STK33: variants seen among roughly 807,000 people sequenced by gnomAD.
STK33 encodes serine/threonine-protein kinase 33.
Under a neutral mutation model 58.0 loss-of-function variants are expected in STK33, and 52 were observed. The observed-to-expected ratio is 0.90, with a 90% CI of 0.72 to 1.13. The LOEUF (loss-of-function observed/expected upper bound fraction) is 1.13. Ranked by LOEUF, STK33 falls within the 50% of genes most tolerant of loss-of-function variation. The pLI is 0.00. For missense variants in STK33, 630 were observed against 604.2 expected (o/e 1.04, Z -0.45); for synonymous variants, 215 against 200.1 (o/e 1.07, Z -0.63).
chr11:8,448,121 A>G (rs977083850), intron 11 of STK33, among the ~76,000 whole-genome samples: 10 of 152,236 alleles, frequency 6.6e-5, no homozygotes, highest in African/African-American at 2.2e-4. Context: ...CCACTGCTCA[A>G]TGAAATAAAA....
At chr11:8,441,636 C>G (rs1020430383) in intron 11 of STK33, among the ~76,000 whole-genome samples, 1 of 152,018 alleles carries the variant, frequency 6.6e-6, no homozygotes, top group South Asian at 2.1e-4. Flanking sequence ...GGATTAGTGG[C>G]GTGAGACACC....
intron 12 of STK33, among the ~76,000 whole-genome samples, chr11:8,436,918 G>A (rs1284446925): frequency 6.6e-6 from 1 of 152,116 alleles, no homozygotes; most frequent in Non-Finnish European, 1.5e-5. Context: ...GGCTGGCCTC[G>A]AACTTCTGAC....
At chr11:8,359,057 T>C in the STK33 span, among the ~76,000 whole-genome samples, 5 of 152,044 alleles carry the variant, frequency 3.3e-5, no homozygotes, top group African/African-American at 7.2e-5. Context: ...TAAACCCAGA[T>C]TGAGGGACAG....
intron 1 of STK33, among the ~76,000 whole-genome samples, chr11:8,564,403 G>A (rs1957315030): frequency 6.6e-6 from 1 of 152,220 alleles, no homozygotes; most frequent in Non-Finnish European, 1.5e-5. Flanking sequence ...CTGCTCTGCT[G>A]AGAAGAGTTT....
intron 1 of STK33, among the ~76,000 whole-genome samples, chr11:8,549,694 C>T (rs1956176416): frequency 6.6e-6 from 1 of 152,100 alleles, no homozygotes; most frequent in African/African-American, 2.4e-5. Context: ...CCTATTTCTT[C>T]ATGGTTCAAT....
intron 9 of STK33, 66 bp downstream of exon 9, chr11:8,457,275 A>G (rs1180933705): frequency 2.9e-6 from 4 of 1,377,640 alleles, no homozygotes; most frequent in South Asian, 4.2e-5. Context: ...CTGGAATACA[A>G]TTACCCTTAA....
chr11:8,367,391 T>C, the STK33 span, among the ~76,000 whole-genome samples: 2 of 152,224 alleles, frequency 1.3e-5, no homozygotes, highest in Non-Finnish European at 2.9e-5. Flanking sequence ...GTTCACATCA[T>C]TGTACATTCA....
At chr11:8,394,113 G>C (rs1027599853) in intron 15 of STK33, among the ~76,000 whole-genome samples, 1 of 151,932 alleles carries the variant, frequency 6.6e-6, no homozygotes, top group East Asian at 1.9e-4. Context: ...CAAACTTCTG[G>C]GTTATTTCTG....
chr11:8,518,855 C>A (rs1274359024), intron 1 of STK33, among the ~76,000 whole-genome samples: 2 of 152,152 alleles, frequency 1.3e-5, no homozygotes, highest in African/African-American at 4.8e-5. Flanking sequence ...TCCTTAGAGA[C>A]CTATGAAGAG....
chr11:8,454,088 T>G (rs1946582610), intron 10 of STK33, among the ~76,000 whole-genome samples: 1 of 152,248 alleles, frequency 6.6e-6, no homozygotes. Context: ...AACATTTACT[T>G]GGGTAAACCA....
At chr11:8,401,301 C>G (rs1032436272) in intron 15 of STK33, among the ~76,000 whole-genome samples, 1 of 152,076 alleles carries the variant, frequency 6.6e-6, no homozygotes, top group Non-Finnish European at 1.5e-5. Flanking sequence ...ACAGAGCCCT[C>G]AGAAATAATG....
At chr11:8,568,025 G>C (rs941623485) in intron 1 of STK33, among the ~76,000 whole-genome samples, 5 of 152,002 alleles carry the variant, frequency 3.3e-5, no homozygotes, top group African/African-American at 1.2e-4. Context: ...ATCCAAATCA[G>C]CAATTATTTT....
chr11:8,504,366 C>T (rs777595414), intron 1 of STK33, among the ~76,000 whole-genome samples: 3 of 152,192 alleles, frequency 2.0e-5, no homozygotes, highest in South Asian at 2.1e-4. Flanking sequence ...ACAATGGCAA[C>T]ACCCTAAGCA....
At chr11:8,510,166 A>G (rs1231492518) in intron 1 of STK33, among the ~76,000 whole-genome samples, 3 of 152,000 alleles carry the variant, frequency 2.0e-5, no homozygotes, top group African/African-American at 7.2e-5. Context: ...ACCAGCACCT[A>G]TTATTTTTTG....
the STK33 span, among the ~76,000 whole-genome samples, chr11:8,364,976 A>C: frequency 8.6e-6 from 1 of 116,362 alleles, no homozygotes; most frequent in Non-Finnish European, 1.6e-5. Flanking sequence ...CAAAGCTGGG[A>C]GCCTCTGAGC....
intron 1 of STK33, among the ~76,000 whole-genome samples, chr11:8,544,131 G>T (rs1955728247): frequency 6.6e-6 from 1 of 151,624 alleles, no homozygotes; most frequent in Admixed American, 6.6e-5. Flanking sequence ...AACTACATTA[G>T]GTATTTCTCC....
At chr11:8,359,142 G>A in the STK33 span, among the ~76,000 whole-genome samples, 1 of 152,250 alleles carries the variant, frequency 6.6e-6, no homozygotes, top group Non-Finnish European at 1.5e-5. Context: ...GATTGAGGGA[G>A]ACAGAGGAAC....
At chr11:8,376,171 G>C in the STK33 span, among the ~76,000 whole-genome samples, 1 of 152,234 alleles carries the variant, frequency 6.6e-6, no homozygotes. Context: ...ACAGCCACCA[G>C]GGCAAGGCTC....
At chr11:8,382,593 G>A in the STK33 span, among the ~76,000 whole-genome samples, 176 of 152,296 alleles carry the variant, frequency 1.2e-3, 3 homozygotes, top group East Asian at 0.033. Context: ...GGCGGGAGGC[G>A]TGGGGACATG....
Sources: allele counts gnomAD v4.1 joint callset (sites outside exome capture counted in the v4.1 genomes callset), GRCh38; gene constraint gnomAD v4.1.1; transcripts MANE v1.5; gene names NCBI Gene and HGNC (gene_info 2026-07-23, HGNC 2026-07-21).